STPG2: variants seen among roughly 807,000 people sequenced by gnomAD.
The protein encoded by STPG2 is sperm-tail PG-rich repeat-containing protein 2.
Under a neutral mutation model 54.2 loss-of-function variants are expected in STPG2, and 56 were observed. That is an observed-to-expected ratio of 1.03 (90% CI 0.83 to 1.29). The LOEUF is 1.29. Among genes scored for constraint, STPG2 ranks in the 50% most tolerant of loss-of-function variants. The pLI, the probability that STPG2 is intolerant of heterozygous loss-of-function variation, is 0.00. For missense variants in STPG2, 596 were observed against 544.9 expected (o/e 1.09, Z -0.93); for synonymous variants, 200 against 181.8 (o/e 1.10, Z -0.81).
In STPG2 at chr4:97,485,645, C is replaced by A. The variant is rs571055911; in HGVS notation, c.462+227054G>T. ...TGACCATACTGACAAAAGCAATCTA[C>A]AAATTCAAAGCAATCCCCATCAAAA... On this transcript the variant is annotated intron_variant, in intron 4 of 4. Transcript: ENST00000522676. Among the ~76,000 whole-genome samples the A allele has an allele frequency of 4.6e-4, 70 of 151,860 alleles. 1 individual carries two copies. In the South Asian group the frequency reaches 0.014, roughly 30 times the overall value.
intron 10 of STPG2, among the ~76,000 whole-genome samples, chr4:97,708,228 T>A (rs1724010710): frequency 6.6e-6 from 1 of 151,984 alleles, no homozygotes; most frequent in South Asian, 2.1e-4. Flanking sequence ...CTTTTCATAA[T>A]CAAATGGTTT....
At chr4:97,507,767 G>A (rs1312998295) in intron 4 of STPG2, among the ~76,000 whole-genome samples, 3 of 151,990 alleles carry the variant, frequency 2.0e-5, no homozygotes, top group Non-Finnish European at 4.4e-5. Flanking sequence ...ATAGGGTAAG[G>A]TCTAGGAAAG....
chr4:97,948,215 T>C (rs557068624), intron 7 of STPG2, among the ~76,000 whole-genome samples: 1 of 152,206 alleles, frequency 6.6e-6, no homozygotes, highest in East Asian at 1.9e-4. Context: ...TAGTTTGTGT[T>C]CATGGCTATC....
intron 4 of STPG2, among the ~76,000 whole-genome samples, chr4:97,473,739 G>A (rs1187942206): frequency 6.6e-6 from 1 of 152,066 alleles, no homozygotes; most frequent in Admixed American, 6.6e-5. Context: ...TCACGGCTCA[G>A]GGGGCATCAC....
intron 10 of STPG2, among the ~76,000 whole-genome samples, chr4:97,583,597 G>T (rs111312113): frequency 6.6e-6 from 1 of 151,780 alleles, no homozygotes; most frequent in African/African-American, 2.4e-5. Flanking sequence ...AGGACTATTT[G>T]GTTGGAGAAA....
chr4:97,758,468 T>C (rs946812205), intron 9 of STPG2, among the ~76,000 whole-genome samples: 2 of 152,210 alleles, frequency 1.3e-5, no homozygotes, highest in African/African-American at 4.8e-5. Flanking sequence ...TCATGTTCTT[T>C]GCAGGGACAT....
chr4:98,131,874 T>C (rs549566552), intron 2 of STPG2, among the ~76,000 whole-genome samples: 41 of 152,164 alleles, frequency 2.7e-4, no homozygotes, highest in Non-Finnish European at 5.7e-4. Flanking sequence ...TATTCTTCAA[T>C]GCCATGTCAA....
At chr4:98,001,950 T>A (rs957284060) in intron 5 of STPG2, among the ~76,000 whole-genome samples, 3 of 152,052 alleles carry the variant, frequency 2.0e-5, no homozygotes, top group Admixed American at 6.6e-5. Context: ...TCTTAGAGTA[T>A]AAGTATATTT....
chr4:97,836,201 A>G (rs888416881), intron 9 of STPG2, among the ~76,000 whole-genome samples: 2 of 152,020 alleles, frequency 1.3e-5, no homozygotes, highest in Non-Finnish European at 2.9e-5. Context: ...CATGAAAGGA[A>G]GGGTCAATCA....
In STPG2 at chr4:97,883,057, G is replaced by C. The variant is rs546446457; in HGVS notation, c.1045-42125C>G. Among the ~76,000 whole-genome samples, 3 of 151,260 alleles carry C rather than the reference G, an allele frequency of 2.0e-5. No homozygotes were observed. The East Asian group carries it at 5.8e-4, about 29-fold the overall frequency. ...AAGCAAGCCAGTCATGGTGGCTCAC[G>C]CTGTAATCCCCACACTTTGGGAGGC... On this transcript the variant is annotated intron_variant, in intron 8 of 10. Transcript: ENST00000295268.
In STPG2 at chr4:98,098,823, T is replaced by G. The variant is rs565418147; in HGVS notation, c.612+7130A>C. Among the ~76,000 whole-genome samples, 34 of 152,174 alleles carry G rather than the reference T, an allele frequency of 2.2e-4. No homozygotes were observed. In the Middle Eastern group the frequency reaches 0.01, roughly 46 times the overall value. The stretch of plus-strand genomic sequence containing the variant: ...AAAATGGGCAAAAGATTTCAATAGA[T>G]AGCTCCCAAAAGAAGAAATACAAAT... On this transcript the variant is annotated intron_variant, in intron 5 of 10. Coordinates refer to ENST00000295268, the MANE Select transcript of STPG2 (RefSeq NM_174952.3).
At chr4:97,532,243 AAT>A (rs1236531329) in intron 4 of STPG2, among the ~76,000 whole-genome samples, 1 of 152,108 alleles carries the variant, frequency 6.6e-6, no homozygotes, top group Non-Finnish European at 1.5e-5. Flanking sequence ...TTCATAGTTC[AAT>A]ATATGTTTTA....
chr4:97,722,323 A>G (rs1724475266), intron 9 of STPG2, among the ~76,000 whole-genome samples: 1 of 152,140 alleles, frequency 6.6e-6, no homozygotes, highest in East Asian at 1.9e-4. Context: ...TGAGTTCTAC[A>G]CTTAGATGAA....
intron 4 of STPG2, among the ~76,000 whole-genome samples, chr4:97,539,211 A>G (rs1731625997): frequency 2.0e-5 from 3 of 152,240 alleles, no homozygotes; most frequent in Admixed American, 6.5e-5. Flanking sequence ...TTAAATGTAA[A>G]TGGACTAAAT....
intron 8 of STPG2, among the ~76,000 whole-genome samples, chr4:97,924,080 T>C (rs1351856142): frequency 6.6e-6 from 1 of 152,186 alleles, no homozygotes; most frequent in African/African-American, 2.4e-5. Context: ...GGGTCCACAC[T>C]GCGTTTATGA....
At chr4:98,136,470 T>C (rs1350626828) in intron 1 of STPG2, among the ~76,000 whole-genome samples, 1 of 151,710 alleles carries the variant, frequency 6.6e-6, no homozygotes, top group Non-Finnish European at 1.5e-5. Flanking sequence ...GTTGAATATC[T>C]TATGTAATTT....
At chr4:97,889,926 G>A (rs773975426) in intron 8 of STPG2, among the ~76,000 whole-genome samples, 7 of 152,094 alleles carry the variant, frequency 4.6e-5, no homozygotes, top group Non-Finnish European at 8.8e-5. Context: ...TTCAAGCAAT[G>A]CTTGCCCTCC....
chr4:97,850,199 C>T (rs1156401342), intron 8 of STPG2, among the ~76,000 whole-genome samples: 6 of 135,788 alleles, frequency 4.4e-5, no homozygotes, highest in African/African-American at 1.7e-4. Flanking sequence ...CGTATTCTCA[C>T]TCATAGGTGG....
chr4:98,073,762 A>G (rs1284774114), intron 5 of STPG2, among the ~76,000 whole-genome samples: 1 of 152,106 alleles, frequency 6.6e-6, no homozygotes, highest in East Asian at 1.9e-4. Context: ...TAATAAAATT[A>G]AGGATAAAAT....
Sources: gnomAD v4.1 joint callset for allele counts (sites outside exome capture counted in the v4.1 genomes callset) on GRCh38, gnomAD v4.1.1 for gene constraint, MANE v1.5 for transcripts, NCBI Gene and HGNC (gene_info 2026-07-23, HGNC 2026-07-21) for gene names.